KDM4A: variants seen among roughly 807,000 people sequenced by gnomAD.
KDM4A encodes the protein lysine demethylase 4A.
A neutral mutation model predicts 127.1 loss-of-function variants in KDM4A; 23 were observed. That is an observed-to-expected ratio of 0.18 (90% CI 0.13 to 0.26). The LOEUF is 0.26. Among genes scored for constraint, KDM4A ranks in the 10% least tolerant of loss-of-function variants. The probability of loss-of-function intolerance (pLI) is 1.00; values close to 1 mark genes in which losing one functional copy is unlikely to be tolerated. For synonymous variants in KDM4A, 443 were observed against 466.5 expected (o/e 0.95, Z 0.65); for missense variants, 890 against 1,329.1 (o/e 0.67, Z 5.14).
chr1:43,686,617 G>A (rs6683825), intron 12 of KDM4A, among the ~76,000 whole-genome samples: 47,513 of 151,954 alleles, frequency 0.31, 9,049 homozygotes, highest in East Asian at 0.49. Context: ...GATTACAGGC[G>A]TGAGCCACCG....
In KDM4A at chr1:43,667,767, G is replaced by A. The variant is rs760573370; in HGVS notation, c.916-5G>A. ...ACCTGGTGCTCTTCTGGTTCCTGCT[G>A]ACAGTGCTCCTGTAGAAAGGACATG... is the stretch of plus-strand genomic sequence containing the variant. On this transcript the variant is annotated splice_region_variant and splice_polypyrimidine_tract_variant and intron_variant, in intron 8 of 21. Coordinates refer to ENST00000372396, the MANE Select transcript of KDM4A (RefSeq NM_014663.3). The A allele has an allele frequency of 1.2e-6, 2 of 1,614,042 alleles. No individual in the cohort carries two copies. The highest frequency in any genetic ancestry group is 2.7e-5 in the African/African-American group (2 of 74,948).
Position 43,691,005 on chromosome 1 carries a change from G to A in KDM4A, c.2198G>A (p.Ser733Asn). 1 of 1,614,186 alleles carries A rather than the reference G, an allele frequency of 6.2e-7. No individual in the cohort carries two copies. The highest frequency in any genetic ancestry group is 8.5e-7 in the Non-Finnish European group (1 of 1,180,026). Residue 733 changes from serine (S) to asparagine (N), a missense_variant, in exon 14 of 22, where the codon AGC becomes AAC. This residue lies in a region of KDM4A where 389 missense variants were observed against 485.9 expected (regional missense o/e 0.80). Transcript: ENST00000372396. ...CCTTATCTTGAGGAGGATGGCACCA[G>A]CATACTCGTTTCCTGCAAGAAGTGC... ...STPYLEEDGT[S>N]ILVSCKKCSV...
At chr1:43,687,729 CCT>C (rs66517639) in intron 12 of KDM4A, among the ~76,000 whole-genome samples, 49,168 of 152,060 alleles carry the variant, frequency 0.32, 9,252 homozygotes, top group East Asian at 0.49. Flanking sequence ...GGACTATGCC[CCT>C]GTTTCACTGA....
At chr1:43,682,520 C>G (rs1660881557) in intron 11 of KDM4A, among the ~76,000 whole-genome samples, 1 of 152,248 alleles carries the variant, frequency 6.6e-6, no homozygotes, top group Non-Finnish European at 1.5e-5. Context: ...CTGCAGCATC[C>G]TTACTCACGT....
At chr1:43,692,838 C>T (rs761825722) in intron 16 of KDM4A, among the ~76,000 whole-genome samples, 6 of 152,086 alleles carry the variant, frequency 3.9e-5, no homozygotes, top group Non-Finnish European at 7.3e-5. Context: ...TTGGGCAGCT[C>T]GTTTTCATGG....
At position 43,694,651 on chromosome 1, in the gene KDM4A, C is replaced by G. The variant is rs74847267; in HGVS notation, c.2485-58C>G. Reference sequence around the variant, plus strand: ...GGCTTTGCATTTGGGAGGGGAACAACAGAGGAAGCTGCAGTGCCAGTTCCT... The same window carrying G: ...GGCTTTGCATTTGGGAGGGGAACAAGAGAGGAAGCTGCAGTGCCAGTTCCT... On this transcript the variant is annotated intron_variant, in intron 17 of 21. Coordinates refer to ENST00000372396, the MANE Select transcript of KDM4A (RefSeq NM_014663.3). The surrounding 1 kb of genome is among the most constrained non-coding windows in gnomAD (Gnocchi z 5.2). 1.3e-6 allele frequency: 2 copies of G among 1,483,960 alleles called. No individual in the cohort carries two copies. Among genetic ancestry groups the G allele is most frequent in the Non-Finnish European group, 1.9e-6 (2 of 1,078,598 alleles). 91.9% of individuals were successfully genotyped at this position (1,483,960 alleles called of 1,614,324 possible).
chr1:43,687,591 A>G (rs1661016565), intron 12 of KDM4A, among the ~76,000 whole-genome samples: 1 of 152,332 alleles, frequency 6.6e-6, no homozygotes, highest in Non-Finnish European at 1.5e-5. Context: ...CCTCCCTCAC[A>G]TGGTAGAGCA....
intron 19 of KDM4A, chr1:43,702,115 T>C (rs1397467143): frequency 1.3e-5 from 2 of 152,152 alleles, no homozygotes; most frequent in Non-Finnish European, 2.9e-5. Context: ...CCTAGGTAAA[T>C]GACAACACAG....
intron 11 of KDM4A, among the ~76,000 whole-genome samples, chr1:43,677,843 A>G (rs543840327): frequency 6.6e-6 from 1 of 152,350 alleles, no homozygotes; most frequent in African/African-American, 2.4e-5. Flanking sequence ...TTTTATAACT[A>G]AATACTTCTA....
intron 11 of KDM4A, among the ~76,000 whole-genome samples, chr1:43,677,317 C>G (rs1180917835): frequency 2.7e-5 from 4 of 148,358 alleles, no homozygotes; most frequent in Admixed American, 2.0e-4. Context: ...TGCACTCCAG[C>G]CTGGGCAACA....
At chr1:43,702,715 CTT>C (rs1333644901) in intron 19 of KDM4A, 7 of 152,072 alleles carry the variant, frequency 4.6e-5, no homozygotes, top group African/African-American at 1.2e-4. Context: ...GTAGGTGACT[CTT>C]TTTCATCTTT....
At chr1:43,668,640 CATCAT>C (rs1168531570) in intron 9 of KDM4A, among the ~76,000 whole-genome samples, 2 of 152,224 alleles carry the variant, frequency 1.3e-5, no homozygotes, top group Middle Eastern at 3.4e-3. Flanking sequence ...CATGTTTTCT[CATCAT>C]ATCAGAGAGT....
chr1:43,691,657 T>G (rs1661115090), intron 15 of KDM4A, 85 bp downstream of exon 15: 2 of 1,163,520 alleles, frequency 1.7e-6, no homozygotes, highest in Admixed American at 3.4e-5. Flanking sequence ...GACTCAGTAT[T>G]CCCAGCAGTC....
intron 12 of KDM4A, among the ~76,000 whole-genome samples, chr1:43,687,137 C>CT (rs2154048308): frequency 6.6e-6 from 1 of 152,300 alleles, no homozygotes; most frequent in African/African-American, 2.4e-5. Context: ...ACCATGGCTC[C>CT]TGATTACAAC....
At chr1:43,703,823 TAGG>T in intron 20 of KDM4A, 87 bp downstream of exon 20, 2 of 1,551,458 alleles carry the variant, frequency 1.3e-6, no homozygotes, top group South Asian at 1.2e-5. Context: ...TCTTTGCTCT[TAGG>T]AGAACTAATA....
chr1:43,662,941 G>A lies in KDM4A; in HGVS notation c.477G>A (p.Leu159=). The A allele has an allele frequency of 6.2e-7, 1 of 1,614,132 alleles. No individual in the cohort carries two copies. Among genetic ancestry groups the A allele is most frequent in the Admixed American group, 1.7e-5 (1 of 60,032 alleles). The part of the protein sequence containing the change: ...NIGRLRTILD[L]VEKESGITIE... ...GCCGGCTGAGAACAATCCTGGACTT[G>A]GTGGAAAAGGAGAGTGGGATCACCA... Residue 159 remains leucine (L), a synonymous_variant, in exon 5 of 22, where the codon TTG becomes TTA. Transcript: ENST00000372396.
At chr1:43,674,335 A>T (rs1415951747) in intron 11 of KDM4A, among the ~76,000 whole-genome samples, 1 of 152,042 alleles carries the variant, frequency 6.6e-6, no homozygotes, top group African/African-American at 2.4e-5. Context: ...TTTTGTGGGA[A>T]TTTTTTGGGG....
In KDM4A at chr1:43,705,347, ATTTG is replaced by A. The variant is rs1661527257; in HGVS notation, c.*982_*985del. ...TTAAACAGGTTTTTGCTCCTCAAGA[ATTTG>A]TTTGCCTGGGCCCAGGATTGGAGGG... On this transcript the variant is annotated 3_prime_UTR_variant, in exon 22 of 22. Coordinates refer to ENST00000372396, the MANE Select transcript of KDM4A (RefSeq NM_014663.3). 1 of 151,390 alleles carries A rather than the reference ATTTG, an allele frequency of 6.6e-6. No homozygotes were observed. The highest frequency in any genetic ancestry group is 2.4e-5 in the African/African-American group (1 of 41,036). The allele number at this position is 151,390 out of a possible 1,614,324, so 9.4% of individuals were successfully genotyped here.
rs372241307 is a variant in KDM4A, at chr1:43,678,442, C to T, written c.1735-5242C>T. Among the ~76,000 whole-genome samples, 97 of 152,166 alleles carry T rather than the reference C, an allele frequency of 6.4e-4. 2 individuals are homozygous for T. Among genetic ancestry groups the T allele is most frequent in the African/African-American group, 2.1e-3 (86 of 41,496 alleles). On this transcript the variant is annotated intron_variant, in intron 11 of 21. Coordinates refer to ENST00000372396, the MANE Select transcript of KDM4A (RefSeq NM_014663.3). ...GCCAGGGCAGGAGAAGAGTTCAAGA[C>T]AGTGGGAGATATGGCCAAGTGTGCC...
Sources: gnomAD v4.1 joint callset for allele counts (sites outside exome capture counted in the v4.1 genomes callset) on GRCh38, gnomAD v4.1.1 for gene constraint, gnomAD v4.1.1 regional missense constraint, Gnocchi (gnomAD v3.1) non-coding constraint, MANE v1.5 for transcripts, NCBI Gene and HGNC (gene_info 2026-07-23, HGNC 2026-07-21) for gene names.